Variants in UNC5B observed in about 807,000 individuals in gnomAD.
UNC5B encodes the protein unc-5 netrin receptor B, also known as netrin receptor UNC5B.
Under a neutral mutation model 103.7 loss-of-function variants are expected in UNC5B, and 56 were observed. The observed-to-expected ratio is 0.54, with a 90% confidence interval of 0.44 to 0.67. The LOEUF is 0.67. Ranked by LOEUF, UNC5B falls within the 30% of genes least tolerant of loss-of-function variation. The probability of loss-of-function intolerance (pLI) is 0.00; values close to 1 mark genes in which losing one functional copy is unlikely to be tolerated. For missense variants in UNC5B, 1,194 were observed against 1,284.5 expected, an observed-to-expected ratio of 0.93 and a Z score of 1.08; for synonymous variants, 577 against 542.0, an observed-to-expected ratio of 1.06 and a Z score of -0.90.
chr10:71,241,052 A>G (rs1843886840), intron 1 of UNC5B, among the ~76,000 whole-genome samples: 1 of 152,218 alleles, frequency 6.6e-6, no homozygotes. Context: ...TATGCCAGGA[A>G]CTGGTCAGAT....
In UNC5B at chr10:71,221,841, T is replaced by C. The variant is rs570504014; in HGVS notation, c.79+8777T>C. 2.0e-5 allele frequency among the ~76,000 whole-genome samples: 3 copies of C among 152,320 alleles called. No individual in the cohort carries two copies. The South Asian group carries it at 6.2e-4, about 32-fold the overall frequency. The stretch of plus-strand genomic sequence containing the variant: ...GCTGTGTGTCTTAGAGCAAGTTGCT[T>C]ACCCTCTCTGAGCTTAGTTCTGAGC... On this transcript the variant is annotated intron_variant, in intron 1 of 16. Transcript: ENST00000335350.
At chr10:71,244,819 C>T (rs956450299) in intron 1 of UNC5B, among the ~76,000 whole-genome samples, 6 of 152,292 alleles carry the variant, frequency 3.9e-5, no homozygotes, top group East Asian at 1.9e-4. Flanking sequence ...TGGTTGGCGG[C>T]GGGGGCGTGC....
intron 1 of UNC5B, among the ~76,000 whole-genome samples, chr10:71,259,038 G>A (rs1180919398): frequency 6.6e-6 from 1 of 152,238 alleles, no homozygotes; most frequent in Non-Finnish European, 1.5e-5. Context: ...GGATAGAATG[G>A]CCCAGCCTTT....
At chr10:71,272,698 G>C (rs16928583) in intron 1 of UNC5B, among the ~76,000 whole-genome samples, 2 of 152,014 alleles carry the variant, frequency 1.3e-5, no homozygotes, top group Non-Finnish European at 2.9e-5. Flanking sequence ...TCTCTGATCC[G>C]GTAGAACGCG....
chr10:71,291,322 G>T, intron 9 of UNC5B, 110 bp from the exon 10 acceptor site: 1 of 1,486,694 alleles, frequency 6.7e-7, no homozygotes, highest in South Asian at 1.4e-5. Context: ...TCCTGCAGCT[G>T]GCAGCAATTG....
rs934830465 is a variant in UNC5B at position 71,212,877 on chromosome 10, G to T, written c.-109G>T. On this transcript the variant is annotated 5_prime_UTR_variant, in exon 1 of 17. Coordinates refer to ENST00000335350, the MANE Select transcript of UNC5B (RefSeq NM_170744.5). ...AAGGCACGGGCTGGCGCTGCCGGGC[G>T]CCGGGGAGGACGGCGAGGAGGAGGC... 11 of 928,444 alleles carry T rather than the reference G, an allele frequency of 1.2e-5. No homozygotes were observed. In the African/African-American group the frequency reaches 1.9e-4, roughly 16 times the overall value. The allele number at this position is 928,444 out of a possible 1,614,324, so 57.5% of individuals were successfully genotyped here.
chr10:71,241,651 A>G (rs1022525925), intron 1 of UNC5B, among the ~76,000 whole-genome samples: 7 of 152,098 alleles, frequency 4.6e-5, no homozygotes, highest in Middle Eastern at 3.4e-3. Flanking sequence ...CCACGACAGA[A>G]GGCCCGTCTT....
At chr10:71,236,460 C>G (rs566535166) in intron 1 of UNC5B, among the ~76,000 whole-genome samples, 1 of 152,154 alleles carries the variant, frequency 6.6e-6, no homozygotes, top group Non-Finnish European at 1.5e-5. Flanking sequence ...TGGTGTGGGC[C>G]GGATTCCTGA....
At chr10:71,296,007 C>T (rs1363146675) in intron 14 of UNC5B, 47 bp downstream of exon 14, 2 of 1,610,302 alleles carry the variant, frequency 1.2e-6, no homozygotes, top group Non-Finnish European at 1.7e-6. Flanking sequence ...TTAAGGGCTG[C>T]CCGGGAAGCC....
At chr10:71,294,442 G>A (rs1328934237) in intron 13 of UNC5B, among the ~76,000 whole-genome samples, 1 of 152,142 alleles carries the variant, frequency 6.6e-6, no homozygotes, top group Non-Finnish European at 1.5e-5. Flanking sequence ...GGCAGGAAGG[G>A]GAATGGACCT....
intron 3 of UNC5B, 126 bp from the exon 4 acceptor site, chr10:71,285,200 C>A: frequency 1.9e-6 from 2 of 1,039,244 alleles, no homozygotes; most frequent in Admixed American, 2.1e-5. Context: ...ATTTCCCAGG[C>A]AAAGGCCAGG....
chr10:71,252,532 A>G (rs7907878), intron 1 of UNC5B, among the ~76,000 whole-genome samples: 148,042 of 152,344 alleles, frequency 0.97, 71,951 homozygotes, highest in East Asian at 1. Flanking sequence ...GCTTGGAGAG[A>G]TTGCTAATAA....
At chr10:71,265,834 C>T (rs1447511471) in intron 1 of UNC5B, among the ~76,000 whole-genome samples, 1 of 152,194 alleles carries the variant, frequency 6.6e-6, no homozygotes, top group African/African-American at 2.4e-5. Context: ...ACCCCACCCC[C>T]ACTGCTGGCT....
intron 1 of UNC5B, among the ~76,000 whole-genome samples, chr10:71,262,290 T>C (rs1844431349): frequency 6.6e-6 from 1 of 151,414 alleles, no homozygotes; most frequent in African/African-American, 2.4e-5. Context: ...ACTCTAATTA[T>C]AGCATACTGG....
At chr10:71,219,457 G>A (rs997191257) in intron 1 of UNC5B, among the ~76,000 whole-genome samples, 3 of 152,178 alleles carry the variant, frequency 2.0e-5, no homozygotes, top group African/African-American at 7.2e-5. Flanking sequence ...TGTAGGCTGG[G>A]AGGCTAGGCC....
intron 1 of UNC5B, among the ~76,000 whole-genome samples, chr10:71,249,616 A>G (rs934683564): frequency 6.6e-6 from 1 of 152,122 alleles, no homozygotes; most frequent in Non-Finnish European, 1.5e-5. Flanking sequence ...TTCTAACTCC[A>G]GGAGAGTCCC....
chr10:71,243,768 C>G (rs977129640), intron 1 of UNC5B, among the ~76,000 whole-genome samples: 2 of 152,232 alleles, frequency 1.3e-5, no homozygotes, highest in Non-Finnish European at 1.5e-5. Context: ...ACAGGGATCA[C>G]CTAAGGTCAC....
At chr10:71,227,514 A>G (rs1251935857) in intron 1 of UNC5B, among the ~76,000 whole-genome samples, 1 of 151,864 alleles carries the variant, frequency 6.6e-6, no homozygotes, top group African/African-American at 2.4e-5. Flanking sequence ...AATCACCACT[A>G]AATAACTTAT....
At chr10:71,232,892 G>A (rs1019160920) in intron 1 of UNC5B, among the ~76,000 whole-genome samples, 1 of 152,226 alleles carries the variant, frequency 6.6e-6, no homozygotes, top group Non-Finnish European at 1.5e-5. Flanking sequence ...TGTGAGATGG[G>A]CATGATTACC....
Sources: gnomAD v4.1 joint callset for allele counts (sites outside exome capture counted in the v4.1 genomes callset) on GRCh38, gnomAD v4.1.1 for gene constraint, MANE v1.5 for transcripts, NCBI Gene and HGNC (gene_info 2026-07-23, HGNC 2026-07-21) for gene names.